Variants in ALDH1A2 observed in about 807,000 individuals in gnomAD.
The protein encoded by ALDH1A2 is retinal dehydrogenase 2.
Under a neutral mutation model 60.3 loss-of-function variants are expected in ALDH1A2, and 27 were observed. The ratio of observed to expected loss-of-function variants is 0.45; its 90% CI spans 0.33 to 0.62. The LOEUF (loss-of-function observed/expected upper bound fraction) is 0.62. Among genes scored for constraint, ALDH1A2 ranks in the 20% least tolerant of loss-of-function variants. The probability of loss-of-function intolerance (pLI) is 0.02; values close to 1 mark genes in which losing one functional copy is unlikely to be tolerated. For synonymous variants in ALDH1A2, 289 were observed against 232.4 expected (o/e 1.24, Z -2.21); for missense variants, 581 against 643.8 (o/e 0.90, Z 1.06).
chr15:58,006,419 C>T (rs150763049), intron 4 of ALDH1A2, among the ~76,000 whole-genome samples: 281 of 152,078 alleles, frequency 1.8e-3, no homozygotes, highest in African/African-American at 6.2e-3. Context: ...CGTTGGCTGA[C>T]GTGCAGTTAG....
intron 4 of ALDH1A2, among the ~76,000 whole-genome samples, chr15:58,008,484 G>A (rs1454059807): frequency 6.6e-6 from 1 of 152,018 alleles, no homozygotes; most frequent in African/African-American, 2.4e-5. Flanking sequence ...TTACATTAAA[G>A]CTTCAAACAT....
chr15:57,996,923 C>T (rs1189472269), intron 4 of ALDH1A2, among the ~76,000 whole-genome samples: 1 of 151,790 alleles, frequency 6.6e-6, no homozygotes, highest in East Asian at 1.9e-4. Context: ...ATATTGTTTG[C>T]TATTTTTCTA....
intron 1 of ALDH1A2, among the ~76,000 whole-genome samples, chr15:58,021,111 T>C (rs1895913787): frequency 6.6e-6 from 1 of 152,208 alleles, no homozygotes; most frequent in Admixed American, 6.5e-5. Flanking sequence ...TGCTCTCAAC[T>C]ATATCTTTAT....
chr15:58,050,334 C>T (rs1896743542), intron 1 of ALDH1A2, among the ~76,000 whole-genome samples: 1 of 151,972 alleles, frequency 6.6e-6, no homozygotes, highest in South Asian at 2.1e-4. Context: ...TAAAAATCAC[C>T]AATGATTTCT....
chr15:58,012,132 G>A (rs1346318568), intron 3 of ALDH1A2: 4 of 152,122 alleles, frequency 2.6e-5, no homozygotes, highest in African/African-American at 7.2e-5. Context: ...TCATTTAGGT[G>A]TGGTAGGAAA....
intron 1 of ALDH1A2, among the ~76,000 whole-genome samples, chr15:58,056,696 TAAC>T (rs755632894): frequency 1.3e-5 from 2 of 152,048 alleles, no homozygotes; most frequent in African/African-American, 2.4e-5. Flanking sequence ...TAAAAACTGA[TAAC>T]AAATCAGTAA....
At chr15:57,969,102 G>A (rs371197654) in intron 7 of ALDH1A2, among the ~76,000 whole-genome samples, 12 of 152,296 alleles carry the variant, frequency 7.9e-5, no homozygotes, top group African/African-American at 2.4e-4. Context: ...TAGGCTATGG[G>A]AGAACCACTT....
intron 7 of ALDH1A2, among the ~76,000 whole-genome samples, chr15:57,987,695 A>G (rs1384753704): frequency 1.6e-4 from 25 of 152,136 alleles, no homozygotes; most frequent in Non-Finnish European, 1.6e-4. Context: ...CCTGGCTAAC[A>G]TGGTGGAACC....
At chr15:57,963,667 T>C (rs183246029) in intron 9 of ALDH1A2, among the ~76,000 whole-genome samples, 54 of 152,146 alleles carry the variant, frequency 3.5e-4, no homozygotes, top group African/African-American at 1.3e-3. Context: ...GTAATGGTAA[T>C]CCCATAGTTT....
At chr15:58,004,855 G>A (rs545666887) in intron 4 of ALDH1A2, among the ~76,000 whole-genome samples, 2 of 150,122 alleles carry the variant, frequency 1.3e-5, no homozygotes, top group South Asian at 2.1e-4. Flanking sequence ...ACAAGCAGAA[G>A]TACAAAATAC....
intron 3 of ALDH1A2, among the ~76,000 whole-genome samples, chr15:58,013,328 A>C (rs1271652749): frequency 6.6e-6 from 1 of 152,118 alleles, no homozygotes; most frequent in East Asian, 1.9e-4. Context: ...GACTGTTTTT[A>C]ATTTGTCATG....
chr15:58,016,110 C>A (rs1324990071), intron 1 of ALDH1A2, among the ~76,000 whole-genome samples: 1 of 150,890 alleles, frequency 6.6e-6, no homozygotes, highest in African/African-American at 2.4e-5. Flanking sequence ...TTAACCTTTG[C>A]AGTATCACCA....
Position 58,019,098 on chromosome 15 carries a change from T to C in ALDH1A2, c.118-4817A>G, listed in dbSNP as rs181162864. ...CTGCATGAAGTGTACACAGAAATTTTTGCACTATTTTTGAACTTTATTTTT... is the reference window on the plus strand; with the variant it reads ...CTGCATGAAGTGTACACAGAAATTTCTGCACTATTTTTGAACTTTATTTTT... On this transcript the variant is annotated intron_variant, in intron 1 of 12. Transcript: ENST00000249750. 4.8e-3 allele frequency among the ~76,000 whole-genome samples: 727 copies of C among 152,298 alleles called. 6 individuals are homozygous for C. The highest frequency in any genetic ancestry group is 0.017 in the African/African-American group (706 of 41,570).
chr15:57,963,241 A>G (rs1413321319), intron 9 of ALDH1A2, among the ~76,000 whole-genome samples: 1 of 151,986 alleles, frequency 6.6e-6, no homozygotes, highest in Non-Finnish European at 1.5e-5. Flanking sequence ...AAGTTCAGTG[A>G]TTGGAAGGAC....
At chr15:58,014,116 G>A (rs1470643719) in intron 2 of ALDH1A2, 61 bp downstream of exon 2, 2 of 1,613,834 alleles carry the variant, frequency 1.2e-6, no homozygotes. Flanking sequence ...GCATATGTTT[G>A]CTGCTCTGCT....
chr15:57,999,602 C>T (rs1020825019), intron 4 of ALDH1A2, among the ~76,000 whole-genome samples: 2 of 151,172 alleles, frequency 1.3e-5, no homozygotes, highest in East Asian at 3.9e-4. Context: ...TGTTTACATT[C>T]CCACTGTTGG....
chr15:58,029,112 G>A lies in ALDH1A2; in HGVS notation c.118-14831C>T, dbSNP rs372200013. On this transcript the variant is annotated intron_variant, in intron 1 of 12. Coordinates refer to ENST00000249750, the MANE Select transcript of ALDH1A2 (RefSeq NM_003888.4). ...TATACATTCTTCTCAGCACCACATC[G>A]CACTTACTCTAAAACTGACCACATA... 1.4e-4 allele frequency among the ~76,000 whole-genome samples: 22 copies of A among 152,094 alleles called. No homozygotes were observed. The East Asian group carries it at 1.9e-3, about 13-fold the overall frequency.
At chr15:58,052,127 A>C (rs556269282) in intron 1 of ALDH1A2, among the ~76,000 whole-genome samples, 1 of 152,294 alleles carries the variant, frequency 6.6e-6, no homozygotes, top group Admixed American at 6.5e-5. Context: ...CCACTCATTT[A>C]TATAACGAGA....
chr15:57,988,639 T>C (rs1480106389), intron 7 of ALDH1A2, among the ~76,000 whole-genome samples: 2 of 152,236 alleles, frequency 1.3e-5, no homozygotes, highest in African/African-American at 4.8e-5. Flanking sequence ...AATCTACATC[T>C]TGATTCGGAT....
Sources: allele counts gnomAD v4.1 joint callset (sites outside exome capture counted in the v4.1 genomes callset), GRCh38; gene constraint gnomAD v4.1.1; transcripts MANE v1.5; gene names NCBI Gene and HGNC (gene_info 2026-07-23, HGNC 2026-07-21).